The following CAMP variants were observed in gnomAD, a reference collection of about 807,000 sequenced individuals.
The protein encoded by CAMP is 18 kDa cationic antimicrobial protein.
Under a neutral mutation model 12.7 loss-of-function variants are expected in CAMP, and 10 were observed. The observed-to-expected ratio is 0.79, with a 90% CI of 0.49 to 1.34. The LOEUF (loss-of-function observed/expected upper bound fraction) is 1.34, where lower values mean the gene tolerates loss of function less well. Ranked by LOEUF, CAMP falls within the 40% of genes most tolerant of loss-of-function variation. The probability of loss-of-function intolerance (pLI) is 0.00; values close to 1 mark genes in which losing one functional copy is unlikely to be tolerated. For missense variants in CAMP, 205 were observed against 213.0 expected, an observed-to-expected ratio of 0.96 and a Z score of 0.23; for synonymous variants, 87 against 85.2, an observed-to-expected ratio of 1.02 and a Z score of -0.12.
rs2033480568 is a variant in CAMP, at chr3:48,224,679, G to A, written c.381+5G>A. ...TTTGACATCAGTTGTGATAAGGTGAGTGGGCTGTTCTGGGATGCAGGGGCT... is the reference window on the plus strand; with the variant it reads ...TTTGACATCAGTTGTGATAAGGTGAATGGGCTGTTCTGGGATGCAGGGGCT... On this transcript the variant is annotated splice_donor_5th_base_variant and intron_variant, in intron 3 of 3. Coordinates refer to ENST00000652295, the MANE Select transcript of CAMP (RefSeq NM_004345.5). 1.2e-6 allele frequency: 2 copies of A among 1,610,500 alleles called. No individual in the cohort carries two copies. The highest frequency in any genetic ancestry group is 1.7e-6 in the Non-Finnish European group (2 of 1,176,994).
chr3:48,224,499 C>T, intron 2 of CAMP, 38 bp downstream of exon 2: 1 of 1,546,922 alleles, frequency 6.5e-7, no homozygotes, highest in South Asian at 1.1e-5. Flanking sequence ...GGGTGCCTCC[C>T]AAGGAGCTGA....
rs777696408 is a variant in CAMP, at chr3:48,224,701, G to A, written c.381+27G>A. 4.6e-6 allele frequency: 7 copies of A among 1,513,166 alleles called. No homozygotes were observed. The African/African-American group carries it at 8.2e-5, about 18-fold the overall frequency. The allele number at this position is 1,513,166 out of a possible 1,614,324, so 93.7% of individuals were successfully genotyped here. On this transcript the variant is annotated intron_variant, in intron 3 of 3. Transcript: ENST00000652295. ...TGAGTGGGCTGTTCTGGGATGCAGG[G>A]GCTGATGGGGGCATAGAGTGTGGAC...
Position 48,223,562 on chromosome 3 carries a change from C to T in CAMP, c.51C>T (p.Leu17=). The part of the protein sequence containing the change: ...GHSLGRWSLV[L]LLLGLVMPLA... ...CCCTGGGGCGGTGGTCACTGGTGCT[C>T]CTGCTGCTGGGCCTGGTGATGCCTC... The change falls in exon 1 of 4, where the codon CTC becomes CTT. Residue 17 remains leucine, a synonymous_variant. Transcript: ENST00000652295. 2.5e-6 allele frequency: 4 copies of T among 1,612,134 alleles called. No homozygotes were observed. The highest frequency in any genetic ancestry group is 1.1e-5 in the South Asian group (1 of 90,594).
Position 48,224,256 on chromosome 3 carries a change from C to T in CAMP, c.202-98C>T, listed in dbSNP as rs1022470872. 3 of 791,606 alleles carry T rather than the reference C, an allele frequency of 3.8e-6. No individual in the cohort carries two copies. In the African/African-American group the frequency reaches 5.1e-5, roughly 13 times the overall value. The allele number at this position is 791,606 out of a possible 1,614,324, so 49.0% of individuals were successfully genotyped here. ...AGCCCAGCACCCAGTGCCCGTCGCA[C>T]ATCAGGTACTGTGGAAAGCCTGCCC... On this transcript the variant is annotated intron_variant, in intron 1 of 3. Transcript: ENST00000652295.
intron 3 of CAMP, 102 bp from the exon 4 acceptor site, chr3:48,225,191 G>A: frequency 8.3e-7 from 1 of 1,206,608 alleles, no homozygotes; most frequent in Admixed American, 1.8e-5. Flanking sequence ...CAAAGCTCCT[G>A]CGGGGGCCCA....
Position 48,223,498 on chromosome 3 carries a change from C to A in CAMP, c.-14C>A, listed in dbSNP as rs2033448874. 3.2e-6 allele frequency: 5 copies of A among 1,569,728 alleles called. No homozygotes were observed. In the South Asian group the frequency reaches 3.5e-5, roughly 11 times the overall value. On this transcript the variant is annotated 5_prime_UTR_variant, in exon 1 of 4. Coordinates refer to ENST00000652295, the MANE Select transcript of CAMP (RefSeq NM_004345.5). The stretch of plus-strand genomic sequence containing the variant: ...GAGGCTCCTGTGGGCTAGAGGGAGG[C>A]AGACATGGGGACCATGAAGACCCAA...
chr3:48,224,409 G>A lies in CAMP; in HGVS notation c.257G>A (p.Cys86Tyr). Reference sequence around the variant, plus strand: ...AGCTTCACAGTGAAGGAGACAGTGTGCCCCAGGACGACACAGCAGTCACCA... The same window carrying A: ...AGCTTCACAGTGAAGGAGACAGTGTACCCCAGGACGACACAGCAGTCACCA... Reference protein sequence around the residue: ...PVSFTVKETVCPRTTQQSPED... With the variant: ...PVSFTVKETVYPRTTQQSPED... The change falls in exon 2 of 4, where the codon TGC (cysteine) becomes TAC (tyrosine). Residue 86 changes from cysteine to tyrosine, a missense_variant. Cys to Tyr is a radical substitution (Grantham distance 194). Coordinates refer to ENST00000652295, the MANE Select transcript of CAMP (RefSeq NM_004345.5). 6.2e-7 allele frequency: 1 copy of A among 1,614,004 alleles called. No individual in the cohort carries two copies. Among genetic ancestry groups the A allele is most frequent in the Non-Finnish European group, 8.5e-7 (1 of 1,179,894 alleles).
In CAMP at chr3:48,224,455, G is replaced by A; in HGVS notation, c.303G>A (p.Lys101=). The A allele has an allele frequency of 6.2e-7, 1 of 1,610,728 alleles. No individual in the cohort carries two copies. Residue 101 remains lysine, a synonymous_variant, in exon 2 of 4, where the codon AAG becomes AAA. Coordinates refer to ENST00000652295, the MANE Select transcript of CAMP (RefSeq NM_004345.5). ...QQSPEDCDFK[K]DGLVKRCMGT... is the part of the protein sequence containing the mutation. ...CACCAGAGGATTGTGACTTCAAGAA[G>A]GACGGGGTGAGGCTGGGGGCTGGGG... is the stretch of plus-strand genomic sequence containing the variant.
At position 48,223,561 on chromosome 3, in the gene CAMP, T is replaced by G; in HGVS notation, c.50T>G (p.Leu17Arg). 6.2e-7 allele frequency: 1 copy of G among 1,612,016 alleles called. No homozygotes were observed. The highest frequency in any genetic ancestry group is 2.2e-5 in the East Asian group (1 of 44,818). ...TCCCTGGGGCGGTGGTCACTGGTGC[T>G]CCTGCTGCTGGGCCTGGTGATGCCT... is the stretch of plus-strand genomic sequence containing the variant. The part of the protein sequence containing the change: ...GHSLGRWSLV[L>R]LLLGLVMPLA... The change falls in exon 1 of 4, where the codon CTC (leucine) becomes CGC (arginine). Residue 17 changes from leucine (L) to arginine (R), a missense_variant. Leu to Arg is a moderately radical substitution (Grantham distance 102, BLOSUM62 -2). Transcript: ENST00000652295.
rs1559974481 is a variant in CAMP at position 48,223,590 on chromosome 3, G to C, written c.79G>C (p.Ala27Pro). The C allele has an allele frequency of 3.7e-6, 6 of 1,613,820 alleles. No homozygotes were observed. Among genetic ancestry groups the C allele is most frequent in the Non-Finnish European group, 5.1e-6 (6 of 1,179,860 alleles). ...GCTGCTGGGCCTGGTGATGCCTCTG[G>C]CCATCATTGCCCAGGTCCTCAGCTA... ...LLLLGLVMPL[A>P]IIAQVLSYKE... The change falls in exon 1 of 4, where the codon GCC (alanine) becomes CCC (proline). Residue 27 changes from alanine (A) to proline (P), a missense_variant. Coordinates refer to ENST00000652295, the MANE Select transcript of CAMP (RefSeq NM_004345.5).
At position 48,223,696 on chromosome 3, in the gene CAMP, A is replaced by AC. The variant is rs775328976; in HGVS notation, c.189dup (p.Arg64GlnfsTer35). ...AACCTCTACCGCCTCCTGGACCTGG[A>AC]CCCCAGGCCCACGATGGTGAGCTTT... On this transcript the variant is annotated frameshift_variant, in exon 1 of 4. Coordinates refer to ENST00000652295, the MANE Select transcript of CAMP (RefSeq NM_004345.5). LOFTEE classifies it high-confidence loss of function. The AC allele has an allele frequency of 6.2e-7, 1 of 1,613,490 alleles. No homozygotes were observed. Among genetic ancestry groups the AC allele is most frequent in the Admixed American group, 1.7e-5 (1 of 59,990 alleles).
At chr3:48,225,257 G>T in intron 3 of CAMP, 36 bp from the exon 4 acceptor site, 1 of 1,609,264 alleles carries the variant, frequency 6.2e-7, no homozygotes, top group South Asian at 1.1e-5. Flanking sequence ...GTACATCCCC[G>T]ACAAGGAACC....
At position 48,224,690 on chromosome 3, in the gene CAMP, T is replaced by G; in HGVS notation, c.381+16T>G. The G allele has an allele frequency of 6.3e-7, 1 of 1,599,406 alleles. No individual in the cohort carries two copies. Among genetic ancestry groups the G allele is most frequent in the African/African-American group, 1.3e-5 (1 of 74,702 alleles). On this transcript the variant is annotated intron_variant, in intron 3 of 3. Transcript: ENST00000652295. ...TTGTGATAAGGTGAGTGGGCTGTTC[T>G]GGGATGCAGGGGCTGATGGGGGCAT...
In CAMP at chr3:48,224,650, C is replaced by G; in HGVS notation, c.357C>G (p.Gly119=). 6.2e-7 allele frequency: 1 copy of G among 1,613,562 alleles called. No homozygotes were observed. Among genetic ancestry groups the G allele is most frequent in the Non-Finnish European group, 8.5e-7 (1 of 1,179,568 alleles). Residue 119 remains glycine (G), a synonymous_variant, in exon 3 of 4, where the codon GGC becomes GGG. Coordinates refer to ENST00000652295, the MANE Select transcript of CAMP (RefSeq NM_004345.5). ...MGTVTLNQAR[G]SFDISCDKDN... ...CAGTGACCCTCAACCAGGCCAGGGG[C>G]TCCTTTGACATCAGTTGTGATAAGG...
In CAMP at chr3:48,223,722, G is replaced by C. The variant is rs746078859; in HGVS notation, c.201+10G>C. The C allele has an allele frequency of 4.3e-6, 7 of 1,610,370 alleles. No individual in the cohort carries two copies. The highest frequency in any genetic ancestry group is 1.3e-5 in the African/African-American group (1 of 74,852). On this transcript the variant is annotated intron_variant, in intron 1 of 3. Transcript: ENST00000652295. ...CCCCAGGCCCACGATGGTGAGCTTT[G>C]GGGGACATTCTGCTCTGCTCTGGCT...
In CAMP at chr3:48,223,575, C is replaced by T. The variant is rs1431936674; in HGVS notation, c.64C>T (p.Leu22=). The change falls in exon 1 of 4, where the codon CTG becomes TTG. Residue 22 remains leucine (L), a synonymous_variant. Coordinates refer to ENST00000652295, the MANE Select transcript of CAMP (RefSeq NM_004345.5). ...RWSLVLLLLG[L]VMPLAIIAQV... ...GTCACTGGTGCTCCTGCTGCTGGGC[C>T]TGGTGATGCCTCTGGCCATCATTGC... The T allele has an allele frequency of 6.2e-7, 1 of 1,613,222 alleles. No individual in the cohort carries two copies. The highest frequency in any genetic ancestry group is 1.1e-5 in the South Asian group (1 of 90,828).
chr3:48,224,288 TG>T, intron 1 of CAMP, 65 bp from the exon 2 acceptor site: 1 of 1,081,856 alleles, frequency 9.2e-7, no homozygotes, highest in African/African-American at 1.5e-5. Context: ...GCCCTCTTGG[TG>T]GGGAGGTCAT....
chr3:48,224,755 C>T, intron 3 of CAMP, 81 bp downstream of exon 3: 1 of 1,059,164 alleles, frequency 9.4e-7, no homozygotes, highest in South Asian at 1.3e-5. Context: ...ACTACTCCCC[C>T]AACCCAGGAC....
At position 48,224,683 on chromosome 3, in the gene CAMP, G is replaced by A; in HGVS notation, c.381+9G>A. The A allele has an allele frequency of 6.2e-7, 1 of 1,606,886 alleles. No homozygotes were observed. ...ACATCAGTTGTGATAAGGTGAGTGGGCTGTTCTGGGATGCAGGGGCTGATG... is the reference window on the plus strand; with the variant it reads ...ACATCAGTTGTGATAAGGTGAGTGGACTGTTCTGGGATGCAGGGGCTGATG... On this transcript the variant is annotated intron_variant, in intron 3 of 3. Transcript: ENST00000652295.
Sources: allele counts gnomAD v4.1 joint callset, GRCh38; gene constraint gnomAD v4.1.1; transcripts MANE v1.5; gene names NCBI Gene and HGNC (gene_info 2026-07-23, HGNC 2026-07-21).